The following MYL1 variants were observed in gnomAD, a reference collection of about 807,000 sequenced individuals.
MYL1 encodes the protein myosin light chain 1, also known as myosin light chain 1/3, skeletal muscle isoform.
Under a neutral mutation model 21.8 loss-of-function variants are expected in MYL1, and 16 were observed. That is an observed-to-expected ratio of 0.74 (90% CI 0.50 to 1.12). The LOEUF (loss-of-function observed/expected upper bound fraction) is 1.12, where lower values mean the gene tolerates loss of function less well. Among genes scored for constraint, MYL1 ranks in the 50% most tolerant of loss-of-function variants. MYL1 has a pLI of 0.00. For synonymous variants in MYL1, 99 were observed against 85.2 expected, an observed-to-expected ratio of 1.16 and a Z score of -0.89; for missense variants, 246 against 241.0, an observed-to-expected ratio of 1.02 and a Z score of -0.14.
intron 1 of MYL1, chr2:210,302,923 C>A: frequency 1.2e-6 from 1 of 857,144 alleles, no homozygotes; most frequent in South Asian, 1.9e-5. Context: ...AGAAGGTTGC[C>A]TTAGGATACT....
rs758561571 is a variant in MYL1, at chr2:210,293,754, T to C, written c.525A>G (p.Gln175=). 6 of 1,614,108 alleles carry C rather than the reference T, an allele frequency of 3.7e-6. No individual in the cohort carries two copies. Among genetic ancestry groups the C allele is most frequent in the South Asian group, 3.3e-5 (3 of 91,086 alleles). The change falls in exon 5 of 7, where the codon CAA becomes CAG. Residue 175 remains glutamine (Q), a synonymous_variant. Coordinates refer to ENST00000352451, the MANE Select transcript of MYL1 (RefSeq NM_079420.3). ...EEEVEALMAG[Q]EDSNGCINYE... ...AGTTGATGCAGCCATTGGAGTCTTC[T>C]TGACCTGCCATCAGGGCTTCCACTT...
intron 1 of MYL1, among the ~76,000 whole-genome samples, chr2:210,312,724 G>T (rs563155401): frequency 1.3e-5 from 2 of 151,506 alleles, no homozygotes; most frequent in African/African-American, 2.4e-5. Flanking sequence ...GGAAGATAAA[G>T]GTTATTTTTT....
At position 210,302,803 on chromosome 2, in the gene MYL1, G is replaced by A. The variant is rs758713600; in HGVS notation, c.133-288C>T. The stretch of plus-strand genomic sequence containing the variant: ...GTCAGCACTGAAGGACTGCAGTGGC[G>A]AAGAAGAGAAAGAAAGAAAAAAAAC... On this transcript the variant is annotated intron_variant, in intron 1 of 6. Coordinates refer to ENST00000352451, the MANE Select transcript of MYL1 (RefSeq NM_079420.3). 32 of 1,558,404 alleles carry A rather than the reference G, an allele frequency of 2.1e-5. No individual in the cohort carries two copies. The South Asian group carries it at 3.0e-4, about 14-fold the overall frequency.
intron 1 of MYL1, chr2:210,303,539 C>G: frequency 6.2e-7 from 1 of 1,611,184 alleles, no homozygotes; most frequent in Non-Finnish European, 8.5e-7. Flanking sequence ...TCATAGGACC[C>G]ACCATGATGG....
intron 1 of MYL1, chr2:210,303,537 C>T (rs1231538412): frequency 6.2e-7 from 1 of 1,610,766 alleles, no homozygotes; most frequent in Admixed American, 1.7e-5. Context: ...TCTCATAGGA[C>T]CCACCATGAT....
chr2:210,306,794 T>C (rs1690346944), intron 1 of MYL1, among the ~76,000 whole-genome samples: 1 of 151,940 alleles, frequency 6.6e-6, no homozygotes, highest in Non-Finnish European at 1.5e-5. Context: ...CTCGGCTCAC[T>C]GCAACCTCTG....
At chr2:210,306,281 T>C (rs1690340526) in intron 1 of MYL1, among the ~76,000 whole-genome samples, 1 of 150,608 alleles carries the variant, frequency 6.6e-6, no homozygotes, top group South Asian at 2.1e-4. Context: ...CTCAGGAGGC[T>C]GAGGCAAGAG....
In MYL1 at chr2:210,294,365, T is replaced by A. The variant is rs551715536; in HGVS notation, c.358A>T (p.Ile120Phe). 6.2e-7 allele frequency: 1 copy of A among 1,614,054 alleles called. No homozygotes were observed. The highest frequency in any genetic ancestry group is 1.1e-5 in the South Asian group (1 of 91,082). ...FEQFLPMMQA[I>F]SNNKDQATYE... is the part of the protein sequence containing the mutation. ...GTGGCCTGGTCCTTGTTGTTGGAAA[T>A]GGCTTGCATCATAGGCAGAAATTGT... is the stretch of plus-strand genomic sequence containing the variant. Residue 120 changes from isoleucine (I) to phenylalanine (F), a missense_variant, in exon 4 of 7, where the codon ATT becomes TTT. Physicochemically the swap from Ile to Phe is conservative, Grantham distance 21 (BLOSUM62 0). Transcript: ENST00000352451.
chr2:210,293,930 TG>T, intron 4 of MYL1, 130 bp from the exon 5 acceptor site: 1 of 789,372 alleles, frequency 1.3e-6, no homozygotes, highest in East Asian at 2.5e-5. Context: ...CCCATTCTTT[TG>T]GTACTTAATA....
chr2:210,311,287 G>T (rs1309087182), intron 1 of MYL1, among the ~76,000 whole-genome samples: 7 of 152,012 alleles, frequency 4.6e-5, no homozygotes, highest in Non-Finnish European at 8.8e-5. Context: ...AACAAATTGG[G>T]TGCCACAATG....
intron 1 of MYL1, chr2:210,303,492 T>A: frequency 1.3e-6 from 2 of 1,554,124 alleles, no homozygotes; most frequent in Non-Finnish European, 1.8e-6. Flanking sequence ...GATCATATCC[T>A]CTATCTATTT....
chr2:210,313,499 T>C (rs1690446502), intron 1 of MYL1, among the ~76,000 whole-genome samples: 1 of 152,006 alleles, frequency 6.6e-6, no homozygotes, highest in South Asian at 2.1e-4. Context: ...AAGAACTGTA[T>C]GCATGCAGTC....
rs139030210 is a variant in MYL1, at chr2:210,294,313, C to A, written c.410G>T (p.Arg137Leu). 30 of 1,613,918 alleles carry A rather than the reference C, an allele frequency of 1.9e-5. No homozygotes were observed. Among genetic ancestry groups the A allele is most frequent in the Non-Finnish European group, 2.4e-5 (28 of 1,179,988 alleles). Residue 137 changes from arginine (R) to leucine (L), a missense_variant, in exon 4 of 7, where the codon CGT becomes CTT. Arg to Leu is a moderately radical substitution (Grantham distance 102). Coordinates refer to ENST00000352451, the MANE Select transcript of MYL1 (RefSeq NM_079420.3). ...ATYEDFVEGL[R>L]VFDKEGNGTV... ...GCCATTGCCTTCCTTGTCAAAGACA[C>A]GCAGACCCTCAACAAAGTCTTCATA...
chr2:210,292,719 T>A (rs1053630617), intron 5 of MYL1, among the ~76,000 whole-genome samples: 21 of 152,340 alleles, frequency 1.4e-4, no homozygotes, highest in African/African-American at 4.8e-4. Context: ...ATAAAATTAA[T>A]TCTTCTGTGA....
chr2:210,298,281 A>G (rs1690206851), intron 3 of MYL1, 139 bp downstream of exon 3: 1 of 1,010,230 alleles, frequency 9.9e-7, no homozygotes, highest in African/African-American at 1.6e-5. Flanking sequence ...TATGTGAAAC[A>G]TTTTTAAATC....
intron 2 of MYL1, among the ~76,000 whole-genome samples, chr2:210,299,420 A>G (rs1279430720): frequency 6.6e-6 from 1 of 152,136 alleles, no homozygotes; most frequent in African/African-American, 2.4e-5. Context: ...TATCATAACC[A>G]AGATATTCAC....
At chr2:210,303,045 A>G (rs1690288455) in intron 1 of MYL1, 1 of 529,404 alleles carries the variant, frequency 1.9e-6, no homozygotes, top group Non-Finnish European at 3.3e-6. Flanking sequence ...AAAATAATCT[A>G]TAGTATATTT....
rs75110040 is a variant in MYL1 at position 210,305,765 on chromosome 2, A to G, written c.133-3250T>C. On this transcript the variant is annotated intron_variant, in intron 1 of 6. Transcript: ENST00000352451. ...TTGAGTAAACTGGAAAGTAAGTTTA[A>G]AAGTTGTATTTAGGGCTGGGTGTGG... Among the ~76,000 whole-genome samples the G allele has an allele frequency of 1.7e-4, 26 of 152,332 alleles. 1 individual carries two copies. The East Asian group carries it at 5.0e-3, about 29-fold the overall frequency.
chr2:210,294,220 A>C, intron 4 of MYL1, 25 bp downstream of exon 4: 2 of 1,589,308 alleles, frequency 1.3e-6, no homozygotes, highest in Non-Finnish European at 1.7e-6. Context: ...TGTCTCACTA[A>C]GTCCACTGAA....
Sources: allele counts gnomAD v4.1 joint callset (sites outside exome capture counted in the v4.1 genomes callset), GRCh38; gene constraint gnomAD v4.1.1; transcripts MANE v1.5; gene names NCBI Gene and HGNC (gene_info 2026-07-23, HGNC 2026-07-21).